Variants in KPNA1 observed in about 807,000 individuals in gnomAD.
KPNA1 encodes the protein karyopherin subunit alpha 1.
KPNA1 carries 10 observed loss-of-function variants against 70.5 expected under a neutral mutation model. That is an observed-to-expected ratio of 0.14 (90% CI 0.09 to 0.24). The LOEUF is 0.24. Ranked by LOEUF, KPNA1 falls within the 10% of genes least tolerant of loss-of-function variation. The pLI is 1.00. For synonymous variants in KPNA1, 192 were observed against 221.9 expected, an observed-to-expected ratio of 0.87 and a Z score of 1.20; for missense variants, 397 against 637.9, an observed-to-expected ratio of 0.62 and a Z score of 4.07.
intron 4 of KPNA1, among the ~76,000 whole-genome samples, chr3:122,462,380 T>G (rs996437248): frequency 2.6e-5 from 4 of 152,180 alleles, no homozygotes; most frequent in African/African-American, 9.7e-5. Flanking sequence ...AAAATATTAC[T>G]ATGCCATGAC....
intron 2 of KPNA1, among the ~76,000 whole-genome samples, chr3:122,470,294 T>A (rs1169383971): frequency 6.6e-6 from 1 of 151,992 alleles, no homozygotes; most frequent in East Asian, 1.9e-4. Flanking sequence ...GGGTGGATCA[T>A]GAGGTCAGGA....
intron 3 of KPNA1, among the ~76,000 whole-genome samples, chr3:122,466,550 T>C (rs2076382666): frequency 6.6e-6 from 1 of 152,126 alleles, no homozygotes; most frequent in African/African-American, 2.4e-5. Context: ...ATAGGTCTAA[T>C]CCATACAAAT....
At chr3:122,450,320 G>A (rs1302189483) in intron 8 of KPNA1, among the ~76,000 whole-genome samples, 1 of 152,176 alleles carries the variant, frequency 6.6e-6, no homozygotes, top group Non-Finnish European at 1.5e-5. Flanking sequence ...GGTGGCTCAC[G>A]CCTGTAATCC....
chr3:122,424,948 A>G lies in KPNA1; in HGVS notation c.*2037T>C, dbSNP rs1486046600. The G allele has an allele frequency of 6.5e-6, 1 of 152,672 alleles. No homozygotes were observed. Among genetic ancestry groups the G allele is most frequent in the Non-Finnish European group, 1.5e-5 (1 of 68,038 alleles). 9.5% of individuals were successfully genotyped at this position (152,672 alleles called of 1,614,324 possible). ...CTTCTTTAAATTAACCACCTAATTT[A>G]TCCCTAAAATTACAAAGAATCAGTC... On this transcript the variant is annotated 3_prime_UTR_variant, in exon 14 of 14. Transcript: ENST00000344337.
In KPNA1 at chr3:122,426,892, T is replaced by G; in HGVS notation, c.*93A>C. On this transcript the variant is annotated 3_prime_UTR_variant, in exon 14 of 14. Coordinates refer to ENST00000344337, the MANE Select transcript of KPNA1 (RefSeq NM_002264.4). Reference sequence around the variant, plus strand: ...CGCAAACAGTATTATGGAAAACATTTGAGAAGTTAGCTCCATGAGGACTGT... The same window carrying G: ...CGCAAACAGTATTATGGAAAACATTGGAGAAGTTAGCTCCATGAGGACTGT... 1 of 986,992 alleles carries G rather than the reference T, an allele frequency of 1.0e-6. No individual in the cohort carries two copies. Among genetic ancestry groups the G allele is most frequent in the South Asian group, 1.6e-5 (1 of 62,876 alleles). The allele number at this position is 986,992 out of a possible 1,614,324, so 61.1% of individuals were successfully genotyped here.
chr3:122,486,193 T>C (rs1178973490), intron 2 of KPNA1, among the ~76,000 whole-genome samples: 24 of 152,208 alleles, frequency 1.6e-4, no homozygotes, highest in Admixed American at 1.6e-3. Flanking sequence ...ACAATTTTAT[T>C]TGTAATCACC....
At chr3:122,495,038 A>G (rs756001224) in intron 2 of KPNA1, among the ~76,000 whole-genome samples, 7 of 152,068 alleles carry the variant, frequency 4.6e-5, no homozygotes, top group Non-Finnish European at 1.0e-4. Context: ...GATCACGAGG[A>G]CAAGAGATCA....
chr3:122,448,084 A>C (rs2076159858), intron 9 of KPNA1, among the ~76,000 whole-genome samples: 1 of 152,224 alleles, frequency 6.6e-6, no homozygotes, highest in Admixed American at 6.5e-5. Context: ...GTCATCATTA[A>C]AAAGTCAGGA....
intron 1 of KPNA1, among the ~76,000 whole-genome samples, chr3:122,509,599 A>G (rs1004209367): frequency 6.6e-6 from 1 of 152,150 alleles, no homozygotes; most frequent in Non-Finnish European, 1.5e-5. Flanking sequence ...AAAGAAAAAG[A>G]CCTTTGCAAG....
intron 12 of KPNA1, chr3:122,432,888 C>T (rs1211122176): frequency 6.6e-6 from 1 of 152,292 alleles, no homozygotes; most frequent in Non-Finnish European, 1.5e-5. Flanking sequence ...CAAGATCAGC[C>T]TGGCCAACAG....
chr3:122,501,900 C>T (rs2076833469), intron 1 of KPNA1, among the ~76,000 whole-genome samples: 1 of 152,122 alleles, frequency 6.6e-6, no homozygotes, highest in African/African-American at 2.4e-5. Flanking sequence ...TATCCTAGGA[C>T]CATTTCCAGA....
chr3:122,505,274 C>CA (rs376502610), intron 1 of KPNA1, among the ~76,000 whole-genome samples: 23,556 of 99,402 alleles, frequency 0.24, 2,965 homozygotes, highest in Middle Eastern at 0.33. Context: ...CTGCATGCCT[C>CA]AAAAAAAAAA....
At chr3:122,460,669 T>A in intron 5 of KPNA1, 1 of 853,390 alleles carries the variant, frequency 1.2e-6, no homozygotes, top group African/African-American at 1.8e-5. Context: ...AAAAGAAAAT[T>A]CTGAATCCAG....
intron 1 of KPNA1, among the ~76,000 whole-genome samples, chr3:122,502,875 T>C (rs1020908535): frequency 3.3e-5 from 5 of 152,046 alleles, no homozygotes; most frequent in Admixed American, 6.6e-5. Flanking sequence ...CCCAGCACTT[T>C]GGGAGGCCAA....
rs2076070249 is a variant in KPNA1, at chr3:122,442,021, T to C, written c.996+17A>G. On this transcript the variant is annotated intron_variant, in intron 10 of 13. Transcript: ENST00000344337. The stretch of plus-strand genomic sequence containing the variant: ...ACTGTTTTTAAAGGACAAAAAAAAG[T>C]TACCACTTCTTCATACCTGTGTCTG... 6.3e-7 allele frequency: 1 copy of C among 1,584,724 alleles called. No individual in the cohort carries two copies. Among genetic ancestry groups the C allele is most frequent in the Non-Finnish European group, 8.7e-7 (1 of 1,154,524 alleles).
chr3:122,428,703 G>A (rs1560013357), intron 12 of KPNA1, among the ~76,000 whole-genome samples: 1 of 152,124 alleles, frequency 6.6e-6, no homozygotes, highest in African/African-American at 2.4e-5. Context: ...ATGTGAACAG[G>A]CTTACATGTA....
chr3:122,489,395 T>C (rs1295960083), intron 2 of KPNA1, among the ~76,000 whole-genome samples: 1 of 151,770 alleles, frequency 6.6e-6, no homozygotes, highest in Non-Finnish European at 1.5e-5. Flanking sequence ...GCTCAAGCCA[T>C]CCTCCCACCT....
chr3:122,437,745 T>C (rs2076007648), intron 10 of KPNA1, among the ~76,000 whole-genome samples: 1 of 152,138 alleles, frequency 6.6e-6, no homozygotes, highest in African/African-American at 2.4e-5. Context: ...AAAAAAGATA[T>C]GACCTCAGCT....
At chr3:122,493,864 C>T (rs948515080) in intron 2 of KPNA1, among the ~76,000 whole-genome samples, 1 of 152,178 alleles carries the variant, frequency 6.6e-6, no homozygotes, top group African/African-American at 2.4e-5. Flanking sequence ...GGATTACAGG[C>T]ATGAGCCACC....
Sources: gnomAD v4.1 joint callset for allele counts (sites outside exome capture counted in the v4.1 genomes callset) on GRCh38, gnomAD v4.1.1 for gene constraint, MANE v1.5 for transcripts, NCBI Gene and HGNC (gene_info 2026-07-23, HGNC 2026-07-21) for gene names.